Variants in CHODL observed in about 807,000 individuals in gnomAD.
CHODL encodes transmembrane protein MT75.
CHODL carries 29 observed loss-of-function variants against 34.5 expected under a neutral mutation model. The observed-to-expected ratio is 0.84, with a 90% CI of 0.63 to 1.15. The LOEUF is 1.15. Among genes scored for constraint, CHODL ranks in the 50% most tolerant of loss-of-function variants. The pLI, the probability that CHODL is intolerant of heterozygous loss-of-function variation, is 0.00. For synonymous variants in CHODL, 125 were observed against 116.1 expected (o/e 1.08, Z -0.49); for missense variants, 332 against 332.5 (o/e 1.00, Z 0.01).
chr21:17,976,882 A>G, intron 1 of CHODL, among the ~76,000 whole-genome samples: 1 of 152,206 alleles, frequency 6.6e-6, no homozygotes, highest in East Asian at 1.9e-4. Context: ...GTGTGACATC[A>G]GTCCTGATTT....
upstream of CHODL, among the ~76,000 whole-genome samples, chr21:18,241,915 G>C (rs538970629): frequency 6.6e-6 from 1 of 152,178 alleles, no homozygotes; most frequent in African/African-American, 2.4e-5. Flanking sequence ...CTATTTGGGG[G>C]CTTGAAGAAA....
At chr21:18,259,216 T>C (rs377030276) in intron 3 of CHODL, among the ~76,000 whole-genome samples, 2 of 152,194 alleles carry the variant, frequency 1.3e-5, no homozygotes, top group African/African-American at 4.8e-5. Context: ...AGTTACACTT[T>C]TGGAACAAAT....
intron 1 of CHODL, among the ~76,000 whole-genome samples, chr21:18,010,118 C>CAAAAAAAA (rs547675850): frequency 2.6e-4 from 16 of 61,218 alleles, no homozygotes; most frequent in Non-Finnish European, 4.1e-4. Flanking sequence ...TACTAAAATA[C>CAAAAAAAA]AAAAAAAAAA....
chr21:18,124,144 A>G (rs2065514062), intron 2 of CHODL, among the ~76,000 whole-genome samples: 1 of 152,190 alleles, frequency 6.6e-6, no homozygotes, highest in Admixed American at 6.5e-5. Flanking sequence ...CTATTCATGA[A>G]TGACCTTGCG....
At chr21:18,072,920 A>G (rs1056679074) in intron 2 of CHODL, among the ~76,000 whole-genome samples, 1 of 152,186 alleles carries the variant, frequency 6.6e-6, no homozygotes, top group Non-Finnish European at 1.5e-5. Context: ...CATTTGAAAA[A>G]TGTTAATATC....
intron 1 of CHODL, among the ~76,000 whole-genome samples, chr21:17,962,981 A>G (rs915198938): frequency 1.2e-4 from 18 of 151,688 alleles, no homozygotes; most frequent in African/African-American, 3.9e-4. Context: ...GGAGAATGGC[A>G]TGAACCCGGG....
intron 2 of CHODL, among the ~76,000 whole-genome samples, chr21:18,190,968 A>ACAT (rs2073503963): frequency 6.6e-6 from 1 of 152,162 alleles, no homozygotes; most frequent in African/African-American, 2.4e-5. Flanking sequence ...TTCCTTGCTT[A>ACAT]CATCAGTACA....
intron 2 of CHODL, among the ~76,000 whole-genome samples, chr21:18,055,471 G>C (rs1568863407): frequency 6.6e-6 from 1 of 152,010 alleles, no homozygotes; most frequent in East Asian, 1.9e-4. Context: ...AAGCTTCCAA[G>C]TAAAAGATAG....
upstream of CHODL, among the ~76,000 whole-genome samples, chr21:18,241,260 A>C (rs923589282): frequency 3.3e-5 from 5 of 151,940 alleles, no homozygotes; most frequent in Admixed American, 1.3e-4. Flanking sequence ...AAAAAAAAAA[A>C]AACTTTTTGC....
chr21:18,192,778 A>G (rs2146693978), intron 2 of CHODL, among the ~76,000 whole-genome samples: 1 of 152,312 alleles, frequency 6.6e-6, no homozygotes, highest in Admixed American at 6.5e-5. Context: ...CTTTATTAAA[A>G]TTAAATCTAC....
At chr21:17,986,514 A>G (rs1004691124) in intron 1 of CHODL, among the ~76,000 whole-genome samples, 9 of 152,200 alleles carry the variant, frequency 5.9e-5, no homozygotes, top group African/African-American at 1.9e-4. Context: ...TTATGGGTGC[A>G]TAGTATTCCA....
rs892872671 is a variant in CHODL, at chr21:17,981,533, G to A, written c.-144-46339G>A. 4.6e-5 allele frequency among the ~76,000 whole-genome samples: 7 copies of A among 152,256 alleles called. No individual in the cohort carries two copies. In the East Asian group the frequency reaches 1.4e-3, roughly 29 times the overall value. Reference sequence around the variant, plus strand: ...CTCAGGTTAAGTCTTGCAAATGTCAGTTGTCCCAAGGTACCTAAAAGAGCC... The same window carrying A: ...CTCAGGTTAAGTCTTGCAAATGTCAATTGTCCCAAGGTACCTAAAAGAGCC... On this transcript the variant is annotated intron_variant, in intron 1 of 6. Transcript: ENST00000400127.
At chr21:18,090,445 T>C (rs1003174471) in intron 2 of CHODL, among the ~76,000 whole-genome samples, 1 of 152,050 alleles carries the variant, frequency 6.6e-6, no homozygotes, top group Non-Finnish European at 1.5e-5. Flanking sequence ...AAGATGAAGA[T>C]GATTGAACAG....
At chr21:17,989,346 A>G (rs2063779234) in intron 1 of CHODL, among the ~76,000 whole-genome samples, 1 of 152,154 alleles carries the variant, frequency 6.6e-6, no homozygotes, top group Non-Finnish European at 1.5e-5. Context: ...GATAAAGAGG[A>G]CATTAAGTTT....
intron 2 of CHODL, among the ~76,000 whole-genome samples, chr21:18,180,158 T>C (rs1169911610): frequency 1.3e-5 from 2 of 152,168 alleles, no homozygotes; most frequent in African/African-American, 4.8e-5. Flanking sequence ...ATCCTTTTTG[T>C]TTGTTTGTTT....
intron 2 of CHODL, among the ~76,000 whole-genome samples, chr21:18,134,877 G>A (rs2072701552): frequency 6.6e-6 from 1 of 152,172 alleles, no homozygotes; most frequent in African/African-American, 2.4e-5. Context: ...AGAGAGCTAT[G>A]TTAGTCTTTA....
At chr21:18,029,543 CTTTG>C (rs1315764778) in intron 2 of CHODL, among the ~76,000 whole-genome samples, 1 of 151,832 alleles carries the variant, frequency 6.6e-6, no homozygotes, top group Non-Finnish European at 1.5e-5. Context: ...ATTTAGGAAA[CTTTG>C]TATATATTTA....
chr21:17,999,253 C>G (rs1051771991), intron 1 of CHODL, among the ~76,000 whole-genome samples: 1 of 152,200 alleles, frequency 6.6e-6, no homozygotes, highest in African/African-American at 2.4e-5. Flanking sequence ...ACCACCTCAG[C>G]CTGGACCTTA....
intron 2 of CHODL, among the ~76,000 whole-genome samples, chr21:18,064,751 GCACA>G (rs1367844991): frequency 6.6e-6 from 1 of 151,762 alleles, no homozygotes; most frequent in Non-Finnish European, 1.5e-5. Context: ...CTCTCTCTCC[GCACA>G]CACACATGCG....
Sources: allele counts gnomAD v4.1 joint callset (sites outside exome capture counted in the v4.1 genomes callset), GRCh38; gene constraint gnomAD v4.1.1; transcripts MANE v1.5; gene names NCBI Gene and HGNC (gene_info 2026-07-23, HGNC 2026-07-21).